Variants in LRFN5 observed in about 807,000 individuals in gnomAD.
LRFN5 encodes leucine rich repeat and fibronectin type III domain containing 5.
LRFN5 carries 24 observed loss-of-function variants against 45.6 expected under a neutral mutation model. The observed-to-expected ratio is 0.53, with a 90% CI of 0.38 to 0.74. The LOEUF is 0.74. Among genes scored for constraint, LRFN5 ranks in the 30% least tolerant of loss-of-function variants. LRFN5 has a pLI of 0.00. For missense variants in LRFN5, 776 were observed against 861.5 expected, an observed-to-expected ratio of 0.90 and a Z score of 1.24; for synonymous variants, 340 against 313.8, an observed-to-expected ratio of 1.08 and a Z score of -0.88.
chr14:41,670,228 TAC>T lies in LRFN5; in HGVS notation c.-197+61684_-197+61685del, dbSNP rs1170896489. 2.9e-3 allele frequency among the ~76,000 whole-genome samples: 361 copies of T among 126,646 alleles called. 9 individuals carry two copies. Among genetic ancestry groups the T allele is most frequent in the Middle Eastern group, 4.7e-3 (1 of 212 alleles). The allele number at this position is 126,646 out of a possible 152,430, so 83.1% of individuals were successfully genotyped here. A position where few individuals can be genotyped will look rare whatever the true frequency, so the allele number is the denominator to read the frequency against. On this transcript the variant is annotated intron_variant, in intron 1 of 5. Coordinates refer to ENST00000298119, the MANE Select transcript of LRFN5 (RefSeq NM_152447.5). ...CTGTGTGTGTGTGTATATATATGTA[TAC>T]ACACACACACACACACATACACACA...
chr14:41,694,299 G>A (rs1187271122), intron 1 of LRFN5, among the ~76,000 whole-genome samples: 1 of 151,840 alleles, frequency 6.6e-6, no homozygotes, highest in East Asian at 1.9e-4. Context: ...CTATCTAGCT[G>A]AAACTTCGTA....
chr14:41,844,670 A>G (rs1391774137), intron 2 of LRFN5, among the ~76,000 whole-genome samples: 1 of 152,118 alleles, frequency 6.6e-6, no homozygotes, highest in African/African-American at 2.4e-5. Flanking sequence ...TAAAGCCTTG[A>G]TTTGTAGCAT....
chr14:41,889,514 T>C (rs1195528306), intron 3 of LRFN5, among the ~76,000 whole-genome samples: 1 of 152,106 alleles, frequency 6.6e-6, no homozygotes, highest in Non-Finnish European at 1.5e-5. Flanking sequence ...ACCCCACACT[T>C]TTTTGTAGCT....
intron 1 of LRFN5, among the ~76,000 whole-genome samples, chr14:41,662,858 T>C (rs1032523646): frequency 1.3e-5 from 2 of 152,108 alleles, no homozygotes; most frequent in Admixed American, 6.6e-5. Flanking sequence ...TCTGCATCCA[T>C]TGATCCCAGT....
chr14:41,699,061 G>C (rs1276774430), intron 1 of LRFN5, among the ~76,000 whole-genome samples: 1 of 151,944 alleles, frequency 6.6e-6, no homozygotes, highest in Non-Finnish European at 1.5e-5. Flanking sequence ...AGACAAAACA[G>C]GCAAAGTACA....
intron 2 of LRFN5, among the ~76,000 whole-genome samples, chr14:41,836,571 G>A (rs1888669556): frequency 6.6e-6 from 1 of 152,076 alleles, no homozygotes; most frequent in Admixed American, 6.5e-5. Flanking sequence ...TTGGGGAGTG[G>A]GGCCCAAAGC....
intron 1 of LRFN5, among the ~76,000 whole-genome samples, chr14:41,672,478 C>A (rs539363935): frequency 6.6e-6 from 1 of 152,236 alleles, no homozygotes; most frequent in Non-Finnish European, 1.5e-5. Flanking sequence ...TCAAATACTT[C>A]TTAGGAGTAG....
intron 1 of LRFN5, among the ~76,000 whole-genome samples, chr14:41,669,632 T>G (rs967254789): frequency 6.6e-6 from 1 of 152,036 alleles, no homozygotes; most frequent in African/African-American, 2.4e-5. Flanking sequence ...ACATTCCACA[T>G]GTAGGACAAT....
intron 1 of LRFN5, among the ~76,000 whole-genome samples, chr14:41,759,771 C>T (rs940238975): frequency 2.0e-5 from 3 of 152,164 alleles, no homozygotes; most frequent in African/African-American, 4.8e-5. Context: ...CTGTGAGACA[C>T]ACTGTATTTC....
intron 2 of LRFN5, among the ~76,000 whole-genome samples, chr14:41,806,235 A>T (rs897518833): frequency 6.6e-6 from 1 of 152,154 alleles, no homozygotes; most frequent in Non-Finnish European, 1.5e-5. Context: ...GCTAAATTAG[A>T]TAGCTACATA....
chr14:41,735,338 G>T (rs1383120356), intron 1 of LRFN5, among the ~76,000 whole-genome samples: 1 of 152,028 alleles, frequency 6.6e-6, no homozygotes, highest in Non-Finnish European at 1.5e-5. Flanking sequence ...CACAATCATG[G>T]CTCACTGAAG....
intron 1 of LRFN5, among the ~76,000 whole-genome samples, chr14:41,734,316 T>TTATATATATATATATATA (rs60855395): frequency 0.019 from 730 of 38,692 alleles, 96 homozygotes; most frequent in Middle Eastern, 0.031. Context: ...TGGACTGGTT[T>TTATATATATATATATATA]TATATATATA....
At chr14:41,857,580 A>G (rs1161262881) in intron 2 of LRFN5, among the ~76,000 whole-genome samples, 1 of 152,102 alleles carries the variant, frequency 6.6e-6, no homozygotes, top group African/African-American at 2.4e-5. Flanking sequence ...CGTTTTATGT[A>G]TTTGTTCGTT....
At chr14:41,776,088 G>T (rs890508713) in intron 2 of LRFN5, among the ~76,000 whole-genome samples, 1 of 152,086 alleles carries the variant, frequency 6.6e-6, no homozygotes, top group African/African-American at 2.4e-5. Flanking sequence ...ATCGCTTCTT[G>T]GATTTGTGGT....
intron 1 of LRFN5, among the ~76,000 whole-genome samples, chr14:41,666,389 G>A (rs1004603567): frequency 1.3e-5 from 2 of 152,000 alleles, no homozygotes; most frequent in African/African-American, 4.8e-5. Flanking sequence ...TATTTATAAT[G>A]TTTAAAGTAT....
intron 1 of LRFN5, among the ~76,000 whole-genome samples, chr14:41,747,488 T>C (rs911930014): frequency 3.3e-5 from 5 of 151,964 alleles, no homozygotes; most frequent in African/African-American, 9.7e-5. Context: ...AATAATTAAG[T>C]TGGACCTTTA....
At chr14:41,892,605 G>A (rs1046489328) in intron 4 of LRFN5, 1 of 982,070 alleles carries the variant, frequency 1.0e-6, no homozygotes, top group African/African-American at 1.8e-5. Flanking sequence ...GGGAAATGTT[G>A]TAGAGAACAA....
intron 1 of LRFN5, among the ~76,000 whole-genome samples, chr14:41,615,219 C>G (rs1887891158): frequency 6.6e-6 from 1 of 152,112 alleles, no homozygotes; most frequent in Non-Finnish European, 1.5e-5. Context: ...TCCCAAATCA[C>G]TCCAACTAAA....
At chr14:41,825,586 C>G (rs8006828) in intron 2 of LRFN5, among the ~76,000 whole-genome samples, 8,814 of 152,266 alleles carry the variant, frequency 0.058, 879 homozygotes, top group African/African-American at 0.2. Flanking sequence ...TCCCTTGGCT[C>G]TCGTTGGCCC....
Sources: gnomAD v4.1 joint callset for allele counts (sites outside exome capture counted in the v4.1 genomes callset) on GRCh38, gnomAD v4.1.1 for gene constraint, MANE v1.5 for transcripts, NCBI Gene and HGNC (gene_info 2026-07-23, HGNC 2026-07-21) for gene names.